COL23A1: variants seen among roughly 807,000 people sequenced by gnomAD.
COL23A1 encodes collagen type XXIII alpha 1 chain.
Under a neutral mutation model 99.3 loss-of-function variants are expected in COL23A1, and 97 were observed. That is an observed-to-expected ratio of 0.98 (90% CI 0.83 to 1.16). The LOEUF is 1.16. Among genes scored for constraint, COL23A1 ranks in the 50% most tolerant of loss-of-function variants. The probability of loss-of-function intolerance (pLI) is 0.00; values close to 1 mark genes in which losing one functional copy is unlikely to be tolerated. For synonymous variants in COL23A1, 320 were observed against 308.2 expected (o/e 1.04, Z -0.40); for missense variants, 762 against 757.4 (o/e 1.01, Z -0.07).
chr5:178,375,711 T>C (rs1009305733), intron 2 of COL23A1, among the ~76,000 whole-genome samples: 2 of 152,224 alleles, frequency 1.3e-5, no homozygotes, highest in Non-Finnish European at 2.9e-5. Flanking sequence ...TTTCTTTCTT[T>C]CTTTTTTCTT....
intron 25 of COL23A1, among the ~76,000 whole-genome samples, chr5:178,242,636 C>T (rs1764469053): frequency 6.6e-6 from 1 of 152,262 alleles, no homozygotes; most frequent in Non-Finnish European, 1.5e-5. Context: ...CACCAACACT[C>T]AGGCAGAGCT....
intron 5 of COL23A1, 102 bp downstream of exon 5, chr5:178,288,221 CA>C (rs1023739699): frequency 9.9e-7 from 1 of 1,013,680 alleles, no homozygotes; most frequent in African/African-American, 1.5e-5. Flanking sequence ...TGCTGAGGAG[CA>C]GAAGAGACAG....
chr5:178,256,395 C>T lies in COL23A1; in HGVS notation c.840G>A (p.Gly280=), dbSNP rs1026603251. ...CATCCGTGCCTCGGTGGCCAGGCTC[C>T]CCCTGTGGAGACATGCATTTGCAGC... ...NGVDGAPGPK[G]EPGHRGTDGA... is the part of the protein sequence containing the mutation. Residue 280 remains glycine (G), a splice_region_variant and synonymous_variant, in exon 15 of 29, where the codon GGG becomes GGA. Transcript: ENST00000390654. 5 of 1,607,260 alleles carry T rather than the reference C, an allele frequency of 3.1e-6. No homozygotes were observed. The Admixed American group carries it at 5.0e-5, about 16-fold the overall frequency.
At chr5:178,430,868 A>C (rs1181527757) in intron 2 of COL23A1, among the ~76,000 whole-genome samples, 1 of 152,080 alleles carries the variant, frequency 6.6e-6, no homozygotes, top group East Asian at 1.9e-4. Context: ...GAGGTAGGTG[A>C]GTCCCTACCT....
chr5:178,344,962 G>T, intron 2 of COL23A1: 1 of 611,416 alleles, frequency 1.6e-6, no homozygotes, highest in South Asian at 1.4e-5. Flanking sequence ...TGGTTGCTGA[G>T]ACAGAAGAGG....
intron 3 of COL23A1, among the ~76,000 whole-genome samples, chr5:178,304,425 G>A (rs1034530638): frequency 1.4e-5 from 2 of 146,742 alleles, no homozygotes; most frequent in South Asian, 2.1e-4. Context: ...CATGAGAATC[G>A]CTTGAATCTG....
intron 2 of COL23A1, among the ~76,000 whole-genome samples, chr5:178,461,581 G>A (rs991298615): frequency 2.6e-5 from 4 of 152,208 alleles, no homozygotes; most frequent in African/African-American, 9.7e-5. Flanking sequence ...TAAATGATTT[G>A]TCTACTTGGA....
chr5:178,329,504 T>C (rs1383574054), intron 2 of COL23A1, among the ~76,000 whole-genome samples: 2 of 151,854 alleles, frequency 1.3e-5, no homozygotes, highest in East Asian at 3.9e-4. Context: ...GAATGGCCAC[T>C]GTTTTCTCAG....
At chr5:178,339,730 G>A (rs188254761) in intron 2 of COL23A1, among the ~76,000 whole-genome samples, 77 of 152,372 alleles carry the variant, frequency 5.1e-4, no homozygotes, top group African/African-American at 1.7e-3. Context: ...CTTGTATGGG[G>A]TGGGAGCCTC....
At chr5:178,500,074 G>A (rs1364068357) in intron 2 of COL23A1, among the ~76,000 whole-genome samples, 1 of 152,148 alleles carries the variant, frequency 6.6e-6, no homozygotes, top group Non-Finnish European at 1.5e-5. Context: ...GGGAGGTACA[G>A]GGAGGAAGGA....
intron 2 of COL23A1, among the ~76,000 whole-genome samples, chr5:178,394,362 G>A: frequency 6.6e-6 from 1 of 152,114 alleles, no homozygotes; most frequent in Middle Eastern, 3.2e-3. Context: ...CCCAGCTGGA[G>A]AACACCTGCT....
rs574847432 is a variant in COL23A1, at chr5:178,288,656, T to C, written c.415-306A>G. ...AATGCCACGTGGGGACGTGGGGTTC[T>C]GGAGGGTGCAGCCACAACCACACGA... On this transcript the variant is annotated intron_variant, in intron 4 of 28. Transcript: ENST00000390654. 31 of 522,584 alleles carry C rather than the reference T, an allele frequency of 5.9e-5. No homozygotes were observed. The South Asian group carries it at 7.1e-4, about 12-fold the overall frequency. 32.4% of individuals were successfully genotyped at this position (522,584 alleles called of 1,614,324 possible). A position where few individuals can be genotyped will look rare whatever the true frequency, so the allele number is the denominator to read the frequency against.
chr5:178,283,259 G>A (rs1371313198), intron 5 of COL23A1, among the ~76,000 whole-genome samples: 1 of 152,050 alleles, frequency 6.6e-6, no homozygotes, highest in Non-Finnish European at 1.5e-5. Flanking sequence ...GTTCTACTTG[G>A]TGCAGCTCTG....
intron 2 of COL23A1, among the ~76,000 whole-genome samples, chr5:178,487,293 TTTATTTATTTATTTATTTA>T (rs1757687973): frequency 1.6e-5 from 2 of 122,506 alleles, no homozygotes; most frequent in South Asian, 2.5e-4. Flanking sequence ...CTCAGTTTTA[TTTATTTATTTATTTATTTA>T]TTTATTTATT....
At chr5:178,482,168 A>C (rs1757376211) in intron 2 of COL23A1, among the ~76,000 whole-genome samples, 1 of 152,210 alleles carries the variant, frequency 6.6e-6, no homozygotes, top group Admixed American at 6.5e-5. Context: ...CGTTCACAGC[A>C]GCACTATTTA....
At chr5:178,585,405 T>G (rs1403958011) in intron 1 of COL23A1, among the ~76,000 whole-genome samples, 1 of 111,896 alleles carries the variant, frequency 8.9e-6, no homozygotes, top group Non-Finnish European at 1.7e-5. Flanking sequence ...CTGACTGATG[T>G]GTGGGTAACA....
chr5:178,576,470 T>A (rs1273119849), intron 1 of COL23A1, among the ~76,000 whole-genome samples: 1 of 152,182 alleles, frequency 6.6e-6, no homozygotes, highest in Non-Finnish European at 1.5e-5. Flanking sequence ...CCTGACCTCG[T>A]GATCCACCCG....
intron 2 of COL23A1, among the ~76,000 whole-genome samples, chr5:178,386,392 T>C (rs1466236531): frequency 1.3e-5 from 2 of 151,850 alleles, no homozygotes; most frequent in Admixed American, 6.6e-5. Flanking sequence ...TGAGCTGAGA[T>C]TGCACCGCTG....
Position 178,306,899 on chromosome 5 carries a change from TG to T in COL23A1, c.381del (p.Lys128SerfsTer181). On this transcript the variant is annotated frameshift_variant, in exon 3 of 29. Coordinates refer to ENST00000390654, the MANE Select transcript of COL23A1 (RefSeq NM_173465.4). LOFTEE classifies it high-confidence loss of function. The surrounding 1 kb of genome is among the most constrained non-coding windows in gnomAD (Gnocchi z 4.1). ...VCPPGPPGRR[G>X]KPGRRGDPGP... is the part of the protein sequence containing the mutation. ...CCAGGGTCGCCTCTTCTCCCAGGCT[TG>T]CCGCGCCGTCCAGGGGGCCCTAGAC... 6.5e-7 allele frequency: 1 copy of T among 1,547,776 alleles called. No homozygotes were observed. Among genetic ancestry groups the T allele is most frequent in the South Asian group, 1.2e-5 (1 of 82,734 alleles).
Sources: allele counts gnomAD v4.1 joint callset (sites outside exome capture counted in the v4.1 genomes callset), GRCh38; gene constraint gnomAD v4.1.1; non-coding constraint Gnocchi (gnomAD v3.1); transcripts MANE v1.5; gene names NCBI Gene and HGNC (gene_info 2026-07-23, HGNC 2026-07-21).